The following HORMAD2 variants were observed in gnomAD, a reference collection of about 807,000 sequenced individuals.
HORMAD2 encodes the protein HORMA domain-containing protein 2.
A neutral mutation model predicts 38.8 loss-of-function variants in HORMAD2; 45 were observed. The ratio of observed to expected loss-of-function variants is 1.16; its 90% CI spans 0.91 to 1.49. HORMAD2 has a LOEUF of 1.49. Among genes scored for constraint, HORMAD2 ranks in the 40% most tolerant of loss-of-function variants. The pLI is 0.00. For missense variants in HORMAD2, 338 were observed against 367.0 expected, an observed-to-expected ratio of 0.92 and a Z score of 0.65; for synonymous variants, 126 against 122.8, an observed-to-expected ratio of 1.03 and a Z score of -0.17.
intron 10 of HORMAD2, among the ~76,000 whole-genome samples, chr22:30,140,102 A>G (rs9614148): frequency 0.069 from 10,456 of 152,116 alleles, 426 homozygotes; most frequent in South Asian, 0.19. Flanking sequence ...TGGCTTCATA[A>G]AAATGAGTTG....
chr22:30,169,724 CAG>C (rs1925996375), intron 10 of HORMAD2, among the ~76,000 whole-genome samples: 2 of 152,192 alleles, frequency 1.3e-5, no homozygotes, highest in African/African-American at 4.8e-5. Context: ...ATCTTAAAAA[CAG>C]AGTCAATTAT....
chr22:30,200,181 T>G, the HORMAD2 span, among the ~76,000 whole-genome samples: 1 of 151,952 alleles, frequency 6.6e-6, no homozygotes, highest in South Asian at 2.1e-4. Context: ...CCTCCCAAAG[T>G]GTTGGGATTA....
intron 2 of HORMAD2, among the ~76,000 whole-genome samples, chr22:30,096,659 G>A (rs2068788137): frequency 6.6e-6 from 1 of 151,896 alleles, no homozygotes; most frequent in Non-Finnish European, 1.5e-5. Context: ...GTAGAGACGG[G>A]GGTTTCACCA....
the HORMAD2 span, among the ~76,000 whole-genome samples, chr22:30,206,380 C>T: frequency 6.6e-6 from 1 of 151,910 alleles, no homozygotes; most frequent in African/African-American, 2.4e-5. Flanking sequence ...GGCTGGTCTC[C>T]AACTCCTGAC....
At chr22:30,198,106 C>G in the HORMAD2 span, among the ~76,000 whole-genome samples, 1 of 152,134 alleles carries the variant, frequency 6.6e-6, no homozygotes, top group South Asian at 2.1e-4. Context: ...ATCACTTGAA[C>G]CCGGGAGGCG....
chr22:30,192,931 G>T, the HORMAD2 span, among the ~76,000 whole-genome samples: 43 of 152,178 alleles, frequency 2.8e-4, no homozygotes, highest in African/African-American at 1.0e-3. Flanking sequence ...CTTCATTATT[G>T]TTTGCCAATG....
the HORMAD2 span, among the ~76,000 whole-genome samples, chr22:30,194,107 A>G: frequency 2.6e-5 from 4 of 152,278 alleles, no homozygotes; most frequent in Admixed American, 6.5e-5. Flanking sequence ...AAAAGATTCT[A>G]TATTCTTTAA....
intron 10 of HORMAD2, among the ~76,000 whole-genome samples, chr22:30,163,665 T>TA: frequency 6.6e-6 from 1 of 152,172 alleles, no homozygotes; most frequent in Non-Finnish European, 1.5e-5. Context: ...TGAGCTCAAG[T>TA]AATCCACCTG....
downstream of HORMAD2, among the ~76,000 whole-genome samples, chr22:30,178,996 C>T (rs1398170506): frequency 6.6e-6 from 1 of 152,122 alleles, no homozygotes; most frequent in Non-Finnish European, 1.5e-5. Flanking sequence ...TCCAGCTCAC[C>T]TCTTCCAGGA....
chr22:30,198,618 T>G, the HORMAD2 span, among the ~76,000 whole-genome samples: 1 of 152,090 alleles, frequency 6.6e-6, no homozygotes, highest in South Asian at 2.1e-4. Flanking sequence ...TCTGTAAAAT[T>G]GAGCCACATT....
intron 10 of HORMAD2, among the ~76,000 whole-genome samples, chr22:30,165,849 CTT>C (rs1306745869): frequency 1.3e-5 from 2 of 151,908 alleles, no homozygotes; most frequent in African/African-American, 4.8e-5. Context: ...TATATCTACT[CTT>C]GTGATATAAT....
chr22:30,116,332 G>T (rs1601534681), intron 7 of HORMAD2, among the ~76,000 whole-genome samples: 1 of 152,182 alleles, frequency 6.6e-6, no homozygotes, highest in East Asian at 1.9e-4. Context: ...GAAGCTAATG[G>T]GGGTTTTTAA....
intron 7 of HORMAD2, among the ~76,000 whole-genome samples, chr22:30,114,580 A>G (rs771030882): frequency 6.6e-6 from 1 of 152,220 alleles, no homozygotes; most frequent in African/African-American, 2.4e-5. Flanking sequence ...ATGTTTCTTG[A>G]GTTATATGCC....
At chr22:30,192,524 T>A in the HORMAD2 span, among the ~76,000 whole-genome samples, 2 of 152,080 alleles carry the variant, frequency 1.3e-5, no homozygotes, top group Admixed American at 6.6e-5. Flanking sequence ...CAGAACAAAT[T>A]TTGAATTAAG....
chr22:30,142,959 TC>T (rs992539423), intron 10 of HORMAD2, among the ~76,000 whole-genome samples: 2 of 152,190 alleles, frequency 1.3e-5, no homozygotes, highest in Non-Finnish European at 2.9e-5. Context: ...GTCTCTTTTG[TC>T]CCTTTTTGGT....
At chr22:30,089,340 A>G (rs2068639553) in intron 1 of HORMAD2, among the ~76,000 whole-genome samples, 1 of 151,084 alleles carries the variant, frequency 6.6e-6, no homozygotes, top group African/African-American at 2.4e-5. Context: ...GAAAAGGGAA[A>G]ATTTGCTGCT....
intron 3 of HORMAD2, among the ~76,000 whole-genome samples, chr22:30,100,109 AG>A (rs34524589): frequency 0.21 from 32,003 of 152,150 alleles, 3,876 homozygotes; most frequent in Middle Eastern, 0.38. Context: ...GGAACCAAAA[AG>A]GAGCCCATAT....
At position 30,155,076 on chromosome 22, in the gene HORMAD2, T is replaced by A. The variant is rs200891722; in HGVS notation, c.820-20987T>A. On this transcript the variant is annotated intron_variant, in intron 10 of 10. Coordinates refer to ENST00000336726, the MANE Select transcript of HORMAD2 (RefSeq NM_152510.4). ...TGACAAAGTGAGACCTTGCTTTTTT[T>A]AAAAAAAAAAAAAAAAGAAAGAAAG... is the stretch of plus-strand genomic sequence containing the variant. Among the ~76,000 whole-genome samples the A allele has an allele frequency of 2.6e-3, 356 of 138,060 alleles. 1 individual carries two copies. Among genetic ancestry groups the A allele is most frequent in the East Asian group, 6.0e-3 (29 of 4,828 alleles). 90.6% of individuals were successfully genotyped at this position (138,060 alleles called of 152,430 possible). A position where few individuals can be genotyped will look rare whatever the true frequency, so the allele number is the denominator to read the frequency against.
intron 1 of HORMAD2, among the ~76,000 whole-genome samples, chr22:30,089,848 G>A (rs1160710364): frequency 6.6e-6 from 1 of 152,070 alleles, no homozygotes; most frequent in Non-Finnish European, 1.5e-5. Flanking sequence ...TCATCATCGT[G>A]AACAGAAACT....
Sources: allele counts gnomAD v4.1 joint callset (sites outside exome capture counted in the v4.1 genomes callset), GRCh38; gene constraint gnomAD v4.1.1; transcripts MANE v1.5; gene names NCBI Gene and HGNC (gene_info 2026-07-23, HGNC 2026-07-21).